Variants in PRMT2 observed in about 807,000 individuals in gnomAD.
PRMT2 encodes protein arginine methyltransferase 2.
A neutral mutation model predicts 57.6 loss-of-function variants in PRMT2; 26 were observed. The observed-to-expected ratio is 0.45, with a 90% CI of 0.33 to 0.63. The LOEUF (loss-of-function observed/expected upper bound fraction) is 0.63, where lower values mean the gene tolerates loss of function less well. Among genes scored for constraint, PRMT2 ranks in the 20% least tolerant of loss-of-function variants. The pLI, the probability that PRMT2 is intolerant of heterozygous loss-of-function variation, is 0.02. For synonymous variants in PRMT2, 219 were observed against 220.0 expected, an observed-to-expected ratio of 1.00 and a Z score of 0.04; for missense variants, 472 against 564.4, an observed-to-expected ratio of 0.84 and a Z score of 1.66.
chr21:46,658,508 ATAGTTCT>A, intron 7 of PRMT2: 1 of 580,348 alleles, frequency 1.7e-6, no homozygotes. Context: ...GCTCCAGTTC[ATAGTTCT>A]AATGGGAAAT....
intron 3 of PRMT2, among the ~76,000 whole-genome samples, chr21:46,638,610 C>T (rs1335273828): frequency 6.6e-6 from 1 of 152,238 alleles, no homozygotes; most frequent in African/African-American, 2.4e-5. Flanking sequence ...TGCTTACTAA[C>T]ACTTGACAGT....
intron 7 of PRMT2, among the ~76,000 whole-genome samples, chr21:46,650,821 G>C (rs2061438742): frequency 6.6e-6 from 1 of 152,230 alleles, no homozygotes; most frequent in Non-Finnish European, 1.5e-5. Flanking sequence ...ACGTGGGGCA[G>C]AGGGAGGGGA....
At position 46,649,993 on chromosome 21, in the gene PRMT2, T is replaced by C; in HGVS notation, c.654+254T>C. ...TTTCATGAGTGATTTACATGAACTGTGTTCTCCTCGGGGATCTGTAAAAAT... is the reference window on the plus strand; with the variant it reads ...TTTCATGAGTGATTTACATGAACTGCGTTCTCCTCGGGGATCTGTAAAAAT... On this transcript the variant is annotated intron_variant, in intron 7 of 11. Transcript: ENST00000355680. The surrounding 1 kb of genome is among the most constrained non-coding windows in gnomAD (Gnocchi z 4.8). 1.4e-6 allele frequency: 2 copies of C among 1,420,024 alleles called. No homozygotes were observed. The highest frequency in any genetic ancestry group is 1.4e-5 in the African/African-American group (1 of 69,456). 88.0% of individuals were successfully genotyped at this position (1,420,024 alleles called of 1,614,324 possible). A position where few individuals can be genotyped will look rare whatever the true frequency, so the allele number is the denominator to read the frequency against.
intron 7 of PRMT2, among the ~76,000 whole-genome samples, chr21:46,654,407 C>A (rs1333717412): frequency 2.6e-5 from 4 of 152,086 alleles, no homozygotes; most frequent in Non-Finnish European, 5.9e-5. Context: ...AGCTTCAGTT[C>A]CAGATAAGAT....
Position 46,649,997 on chromosome 21 carries a change from C to T in PRMT2, c.654+258C>T, listed in dbSNP as rs191674611. 3 of 1,415,058 alleles carry T rather than the reference C, an allele frequency of 2.1e-6. No individual in the cohort carries two copies. In the African/African-American group the frequency reaches 4.3e-5, roughly 20 times the overall value. The allele number at this position is 1,415,058 out of a possible 1,614,324, so 87.7% of individuals were successfully genotyped here. A position where few individuals can be genotyped will look rare whatever the true frequency, so the allele number is the denominator to read the frequency against. On this transcript the variant is annotated intron_variant, in intron 7 of 11. Transcript: ENST00000355680. This position sits in a 1 kb window ranked among gnomAD's most constrained non-coding sequence, Gnocchi z 4.8. Reference sequence around the variant, plus strand: ...ATGAGTGATTTACATGAACTGTGTTCTCCTCGGGGATCTGTAAAAATCCTG... The same window carrying T: ...ATGAGTGATTTACATGAACTGTGTTTTCCTCGGGGATCTGTAAAAATCCTG...
At chr21:46,664,227 T>C (rs2061670977) in intron 11 of PRMT2, 68 bp from the exon 12 acceptor site, 4 of 1,349,324 alleles carry the variant, frequency 3.0e-6, no homozygotes, top group Non-Finnish European at 4.3e-6. Context: ...ATTAAACCAT[T>C]AGGAAATGTA....
At chr21:46,645,755 C>T (rs1450546110) in intron 5 of PRMT2, among the ~76,000 whole-genome samples, 1 of 149,646 alleles carries the variant, frequency 6.7e-6, no homozygotes, top group Non-Finnish European at 1.5e-5. Flanking sequence ...CTTGCTCTGT[C>T]ACCCAGACTG....
rs1057016254 is a variant in PRMT2 at position 46,649,043 on chromosome 21, A to G, written c.489+424A>G. On this transcript the variant is annotated intron_variant, in intron 6 of 11. Coordinates refer to ENST00000355680, the MANE Select transcript of PRMT2 (RefSeq NM_206962.4). This position sits in a 1 kb window ranked among gnomAD's most constrained non-coding sequence, Gnocchi z 4.8. The stretch of plus-strand genomic sequence containing the variant: ...CCTCCCCACCCCTCTTAGGCCGTCT[A>G]TACTGTGCTGAGCTGAGCCGAGCTG... 6.6e-6 allele frequency among the ~76,000 whole-genome samples: 1 copy of G among 152,070 alleles called. No individual in the cohort carries two copies. Among genetic ancestry groups the G allele is most frequent in the Non-Finnish European group, 1.5e-5 (1 of 68,022 alleles).
At position 46,645,037 on chromosome 21, in the gene PRMT2, C is replaced by G. The variant is rs547367560; in HGVS notation, c.327+549C>G. On this transcript the variant is annotated intron_variant, in intron 5 of 11. Coordinates refer to ENST00000355680, the MANE Select transcript of PRMT2 (RefSeq NM_206962.4). ...GACACTTGGCTTGAGACCAAGTGTT[C>G]AAGACCAGCCTGACAACATAGTGAG... Among the ~76,000 whole-genome samples the G allele has an allele frequency of 1.4e-4, 21 of 151,740 alleles. No homozygotes were observed. In the East Asian group the frequency reaches 4.1e-3, roughly 29 times the overall value.
intron 3 of PRMT2, among the ~76,000 whole-genome samples, chr21:46,640,805 A>G (rs551576124): frequency 7.3e-5 from 11 of 150,976 alleles, no homozygotes; most frequent in African/African-American, 2.4e-4. Context: ...CCATGTAAAC[A>G]TAAGTTAGAA....
intron 3 of PRMT2, 59 bp from the exon 4 acceptor site, chr21:46,643,476 A>AG: frequency 7.9e-6 from 1 of 127,264 alleles, no homozygotes; most frequent in Non-Finnish European, 1.1e-5. Context: ...TAATATAGCC[A>AG]AAAAAAAAAA....
Position 46,649,804 on chromosome 21 carries a change from G to A in PRMT2, c.654+65G>A. Reference sequence around the variant, plus strand: ...GGGGCTTCTGAGCACGGGCTCGGCTGGGCCAACCTCAGGATCTCAAGGGTC... The same window carrying A: ...GGGGCTTCTGAGCACGGGCTCGGCTAGGCCAACCTCAGGATCTCAAGGGTC... On this transcript the variant is annotated intron_variant, in intron 7 of 11. Transcript: ENST00000355680. This position sits in a 1 kb window ranked among gnomAD's most constrained non-coding sequence, Gnocchi z 4.8. 6.4e-7 allele frequency: 1 copy of A among 1,570,764 alleles called. No homozygotes were observed. Among genetic ancestry groups the A allele is most frequent in the Non-Finnish European group, 8.6e-7 (1 of 1,156,754 alleles).
intron 7 of PRMT2, chr21:46,654,889 G>C (rs888214537): frequency 1.0e-6 from 1 of 984,390 alleles, no homozygotes; most frequent in Non-Finnish European, 1.2e-6. Flanking sequence ...ACAGTCTTGA[G>C]TTATCATTTT....
intron 7 of PRMT2, among the ~76,000 whole-genome samples, chr21:46,650,414 T>C (rs1456435321): frequency 6.6e-6 from 1 of 152,156 alleles, no homozygotes; most frequent in Non-Finnish European, 1.5e-5. Flanking sequence ...GTGTGGAGTA[T>C]GGCTGCTGCT....
At chr21:46,644,260 A>G (rs753299385) in intron 4 of PRMT2, 46 bp from the exon 5 acceptor site, 2 of 1,569,658 alleles carry the variant, frequency 1.3e-6, no homozygotes, top group South Asian at 1.2e-5. Flanking sequence ...CATTTGAAAT[A>G]CCAATGACTG....
chr21:46,637,076 G>T, intron 3 of PRMT2, 86 bp downstream of exon 3: 1 of 1,452,558 alleles, frequency 6.9e-7, no homozygotes, highest in Non-Finnish European at 9.5e-7. Flanking sequence ...AGATGTGATG[G>T]AGCTTGGCTT....
In PRMT2 at chr21:46,652,924, C is replaced by G. The variant is rs920312311; in HGVS notation, c.654+3185C>G. The stretch of plus-strand genomic sequence containing the variant: ...AGGTTGCACACTCAGCAGTCTCCCA[C>G]TAGCCAGTGGCACTGCAGGTGCAGG... On this transcript the variant is annotated intron_variant, in intron 7 of 11. Transcript: ENST00000355680. The G allele has an allele frequency of 2.3e-6, 3 of 1,301,138 alleles. No homozygotes were observed. The African/African-American group carries it at 4.6e-5, about 20-fold the overall frequency. 80.6% of individuals were successfully genotyped at this position (1,301,138 alleles called of 1,614,324 possible).
chr21:46,643,575 A>G lies in PRMT2; in HGVS notation c.80A>G (p.Gln27Arg), dbSNP rs1267676759. ...PAECSEAGLL[Q>R]EGVQPEEFVA... is the part of the protein sequence containing the mutation. The stretch of plus-strand genomic sequence containing the variant: ...GAGTGCAGTGAGGCCGGTCTCCTGC[A>G]GGAGGGAGTACAGCCAGAGGAGTTT... The change falls in exon 4 of 12, where the codon CAG becomes CGG. Residue 27 changes from glutamine (Q) to arginine (R), a missense_variant. Gln to Arg is a conservative substitution (Grantham distance 43). Around this residue, in one of 2 missense-constraint regions of PRMT2, gnomAD observed 243 missense variants for 347.2 expected, o/e 0.70. Coordinates refer to ENST00000355680, the MANE Select transcript of PRMT2 (RefSeq NM_206962.4). 1 of 1,609,468 alleles carries G rather than the reference A, an allele frequency of 6.2e-7. No homozygotes were observed. Among genetic ancestry groups the G allele is most frequent in the East Asian group, 2.2e-5 (1 of 44,462 alleles).
Position 46,649,300 on chromosome 21 carries a change from C to T in PRMT2, c.490-275C>T, listed in dbSNP as rs1424486549. Among the ~76,000 whole-genome samples, 2 of 152,246 alleles carry T rather than the reference C, an allele frequency of 1.3e-5. No individual in the cohort carries two copies. Among genetic ancestry groups the T allele is most frequent in the African/African-American group, 2.4e-5 (1 of 41,474 alleles). ...TGGATTAAGATTGCTGTGCGTGTGG[C>T]AGCCGGCTCGGGCATGCGAGTCTTC... On this transcript the variant is annotated intron_variant, in intron 6 of 11. Transcript: ENST00000355680. This position sits in a 1 kb window ranked among gnomAD's most constrained non-coding sequence, Gnocchi z 4.8.
Sources: gnomAD v4.1 joint callset for allele counts (sites outside exome capture counted in the v4.1 genomes callset) on GRCh38, gnomAD v4.1.1 for gene constraint, gnomAD v4.1.1 regional missense constraint, Gnocchi (gnomAD v3.1) non-coding constraint, MANE v1.5 for transcripts, NCBI Gene and HGNC (gene_info 2026-07-23, HGNC 2026-07-21) for gene names.